Variants in TACR3 observed in about 807,000 individuals in gnomAD.
TACR3 encodes the protein neuromedin-K receptor.
A neutral mutation model predicts 35.0 loss-of-function variants in TACR3; 34 were observed. That is an observed-to-expected ratio of 0.97 (90% CI 0.74 to 1.30). The LOEUF is 1.30. Ranked by LOEUF, TACR3 falls within the 50% of genes most tolerant of loss-of-function variation. TACR3 has a pLI of 0.00. For missense variants in TACR3, 558 were observed against 591.7 expected, an observed-to-expected ratio of 0.94 and a Z score of 0.59; for synonymous variants, 233 against 221.1, an observed-to-expected ratio of 1.05 and a Z score of -0.48.
chr4:103,686,490 T>C (rs1722244403), intron 1 of TACR3, among the ~76,000 whole-genome samples: 1 of 152,048 alleles, frequency 6.6e-6, no homozygotes, highest in East Asian at 1.9e-4. Flanking sequence ...TCCATAAAAT[T>C]AGTACACACA....
chr4:103,705,084 A>G (rs1249337278), intron 1 of TACR3, among the ~76,000 whole-genome samples: 1 of 152,118 alleles, frequency 6.6e-6, no homozygotes, highest in Non-Finnish European at 1.5e-5. Context: ...CTATCTTTAA[A>G]TATGAGTTTT....
rs1723898902 is a variant in TACR3, at chr4:103,591,628, T to C, written c.944A>G (p.Tyr315Cys). 1.9e-6 allele frequency: 3 copies of C among 1,613,702 alleles called. No individual in the cohort carries two copies. The highest frequency in any genetic ancestry group is 2.2e-5 in the South Asian group (2 of 91,074). Residue 315 changes from tyrosine to cysteine, a missense_variant, in exon 4 of 5, where the codon TAT (tyrosine) becomes TGT (cysteine). By Grantham distance (194) the Tyr-to-Cys change is radical. Coordinates refer to ENST00000304883, the MANE Select transcript of TACR3 (RefSeq NM_001059.3). Reference sequence around the variant, plus strand: ...TGCAGTGAGAATGAAGTAAATATGATAGGGCAGCCAGCAGATAGCAAATGT... The same window carrying C: ...TGCAGTGAGAATGAAGTAAATATGACAGGGCAGCCAGCAGATAGCAAATGT... Reference protein sequence around the residue: ...VMTFAICWLPYHIYFILTAIY... With the variant: ...VMTFAICWLPCHIYFILTAIY...
chr4:103,679,508 T>G, intron 1 of TACR3, among the ~76,000 whole-genome samples: 1 of 151,938 alleles, frequency 6.6e-6, no homozygotes, highest in East Asian at 1.9e-4. Context: ...TGCAAAGAGC[T>G]CCCACATCAG....
At chr4:103,703,874 G>T (rs1722721496) in intron 1 of TACR3, among the ~76,000 whole-genome samples, 1 of 151,900 alleles carries the variant, frequency 6.6e-6, no homozygotes, top group Non-Finnish European at 1.5e-5. Context: ...GCTGAGGTGG[G>T]CGGATCACGA....
intron 3 of TACR3, among the ~76,000 whole-genome samples, chr4:103,647,226 T>C (rs2110323470): frequency 6.6e-6 from 1 of 152,080 alleles, no homozygotes; most frequent in East Asian, 1.9e-4. Flanking sequence ...CAAATTTTGT[T>C]GTATAATTGT....
At chr4:103,695,731 G>A (rs975078857) in intron 1 of TACR3, among the ~76,000 whole-genome samples, 1 of 151,704 alleles carries the variant, frequency 6.6e-6, no homozygotes, top group Non-Finnish European at 1.5e-5. Flanking sequence ...GTGTGTGTGT[G>A]TGTGTGTGTG....
At chr4:103,620,965 T>C (rs558931208) in intron 3 of TACR3, among the ~76,000 whole-genome samples, 1 of 152,246 alleles carries the variant, frequency 6.6e-6, no homozygotes. Context: ...TCTTGAATTA[T>C]GTACCTTGTG....
chr4:103,650,460 A>AATATATTTAT (rs1197146706), intron 3 of TACR3, among the ~76,000 whole-genome samples: 2 of 95,004 alleles, frequency 2.1e-5, no homozygotes, highest in Admixed American at 2.1e-4. Flanking sequence ...AAAGTATAAT[A>AATATATTTAT]ATATATTTAT....
chr4:103,704,131 A>AAAAG (rs1479519078), intron 1 of TACR3, among the ~76,000 whole-genome samples: 3 of 144,320 alleles, frequency 2.1e-5, no homozygotes, highest in South Asian at 2.2e-4. Context: ...AAAAAAAAAA[A>AAAAG]AAAGAAAGAA....
chr4:103,673,580 T>C (rs1340805232), intron 1 of TACR3, among the ~76,000 whole-genome samples: 1 of 152,098 alleles, frequency 6.6e-6, no homozygotes, highest in African/African-American at 2.4e-5. Context: ...TCTCTGATCA[T>C]AGGTCACCAG....
At chr4:103,689,530 TAACAACAAC>T (rs150003475) in intron 1 of TACR3, among the ~76,000 whole-genome samples, 10 of 151,712 alleles carry the variant, frequency 6.6e-5, no homozygotes, top group African/African-American at 1.9e-4. Context: ...CTGAAAAGTA[TAACAACAAC>T]AACAACAACA....
chr4:103,633,477 T>C (rs936370204), intron 3 of TACR3, among the ~76,000 whole-genome samples: 2 of 152,090 alleles, frequency 1.3e-5, no homozygotes, highest in African/African-American at 2.4e-5. Context: ...AAGTAAATTC[T>C]TTAGTGGAGA....
chr4:103,718,949 A>T (rs1723148295), intron 1 of TACR3, among the ~76,000 whole-genome samples, 179 bp downstream of exon 1: 1 of 152,184 alleles, frequency 6.6e-6, no homozygotes, highest in Non-Finnish European at 1.5e-5. Context: ...ACGGAAGCAG[A>T]AACTTGTTCA....
chr4:103,673,198 A>G (rs1211856927), intron 1 of TACR3, among the ~76,000 whole-genome samples: 1 of 152,140 alleles, frequency 6.6e-6, no homozygotes, highest in Non-Finnish European at 1.5e-5. Flanking sequence ...CTGGAGTAGC[A>G]CTTTTAATTT....
rs572421499 is a variant in TACR3 at position 103,678,771 on chromosome 4, C to CTT, written c.549-20370_549-20369dup. On this transcript the variant is annotated intron_variant, in intron 1 of 4. Transcript: ENST00000304883. ...GTGGTCAGTTCATGCATGAGATACACTTAGAAAATAAAAGGTAGTTGCTTT... is the reference window on the plus strand; with the variant it reads ...GTGGTCAGTTCATGCATGAGATACACTTTTAGAAAATAAAAGGTAGTTGCTTT... 7.3e-3 allele frequency among the ~76,000 whole-genome samples: 1,064 copies of CTT among 144,782 alleles called. 12 individuals carry two copies. Among genetic ancestry groups the CTT allele is most frequent in the African/African-American group, 0.027 (1,004 of 37,508 alleles). The allele number at this position is 144,782 out of a possible 152,430, so 95.0% of individuals were successfully genotyped here. A position where few individuals can be genotyped will look rare whatever the true frequency, so the allele number is the denominator to read the frequency against.
chr4:103,628,769 A>T (rs1354230269), intron 3 of TACR3, among the ~76,000 whole-genome samples: 1 of 152,198 alleles, frequency 6.6e-6, no homozygotes, highest in Non-Finnish European at 1.5e-5. Context: ...ATCAATAGAA[A>T]AAGAGGGAAT....
At chr4:103,614,899 T>G (rs1389581763) in intron 3 of TACR3, among the ~76,000 whole-genome samples, 2 of 126,352 alleles carry the variant, frequency 1.6e-5, no homozygotes, top group Non-Finnish European at 3.4e-5. Flanking sequence ...TTTTTTTTTT[T>G]TTTTTTTTTT....
intron 1 of TACR3, among the ~76,000 whole-genome samples, chr4:103,698,511 A>T (rs1458400971): frequency 1.3e-5 from 2 of 151,716 alleles, no homozygotes; most frequent in African/African-American, 4.9e-5. Context: ...TAATATTAGC[A>T]ACACAATTTA....
chr4:103,668,096 T>C (rs1003891494), intron 1 of TACR3, among the ~76,000 whole-genome samples: 30 of 152,138 alleles, frequency 2.0e-4, no homozygotes, highest in Non-Finnish European at 3.1e-4. Context: ...TCTCCCAAAT[T>C]GGTGAATCAC....
Sources: gnomAD v4.1 joint callset for allele counts (sites outside exome capture counted in the v4.1 genomes callset) on GRCh38, gnomAD v4.1.1 for gene constraint, MANE v1.5 for transcripts, NCBI Gene and HGNC (gene_info 2026-07-23, HGNC 2026-07-21) for gene names.